The following FNDC1 variants were observed in gnomAD, a reference collection of about 807,000 sequenced individuals.
The protein encoded by FNDC1 is fibronectin type III domain containing 1, also known as fibronectin type III domain-containing protein 1.
In FNDC1, 96 loss-of-function variants were observed where a neutral mutation model predicts 168.0. The ratio of observed to expected loss-of-function variants is 0.57; its 90% CI spans 0.48 to 0.68. FNDC1 has a LOEUF of 0.68. Ranked by LOEUF, FNDC1 falls within the 30% of genes least tolerant of loss-of-function variation. The probability of loss-of-function intolerance (pLI) is 0.00; values close to 1 mark genes in which losing one functional copy is unlikely to be tolerated. For synonymous variants in FNDC1, 1,099 were observed against 1,025.9 expected (o/e 1.07, Z -1.36); for missense variants, 2,587 against 2,482.1 (o/e 1.04, Z -0.90).
rs770479635 is a variant in FNDC1, at chr6:159,233,274, G to A, written c.2762G>A (p.Arg921Gln). The change falls in exon 11 of 23, where the codon CGG (arginine) becomes CAG (glutamine). Residue 921 changes from arginine to glutamine, a missense_variant. Coordinates refer to ENST00000297267, the MANE Select transcript of FNDC1 (RefSeq NM_032532.3). The surrounding 1 kb of genome is among the most constrained non-coding windows in gnomAD (Gnocchi z 4.6). ...CCGCAGAGAGGGGCCAGCCTGCATC[G>A]GAAGGAACCCATCCCAGAGAACCCC... ...RSPQRGASLH[R>Q]KEPIPENPKS... 4 of 1,613,922 alleles carry A rather than the reference G, an allele frequency of 2.5e-6. No individual in the cohort carries two copies. The highest frequency in any genetic ancestry group is 1.1e-5 in the South Asian group (1 of 91,082).
At chr6:159,257,385 C>A (rs1332436825) in intron 18 of FNDC1, among the ~76,000 whole-genome samples, 1 of 152,204 alleles carries the variant, frequency 6.6e-6, no homozygotes, top group Admixed American at 6.5e-5. Context: ...GTAAATACTA[C>A]CATTTTGGCC....
At chr6:159,181,827 G>T (rs928028770) in intron 1 of FNDC1, among the ~76,000 whole-genome samples, 1 of 152,122 alleles carries the variant, frequency 6.6e-6, no homozygotes, top group Non-Finnish European at 1.5e-5. Flanking sequence ...TGAGATGAAG[G>T]CAGTCTTGTT....
chr6:159,187,408 T>A (rs957123918), intron 1 of FNDC1, among the ~76,000 whole-genome samples: 3 of 152,184 alleles, frequency 2.0e-5, no homozygotes, highest in South Asian at 2.1e-4. Flanking sequence ...TTCCCTAGTG[T>A]GTTTTATAAT....
At chr6:159,269,206 T>C (rs11756152) in intron 22 of FNDC1, among the ~76,000 whole-genome samples, 56,045 of 103,532 alleles carry the variant, frequency 0.54, 13,562 homozygotes, top group Middle Eastern at 0.69. Flanking sequence ...TACCTATTCA[T>C]ATCTATCTAT....
intron 1 of FNDC1, among the ~76,000 whole-genome samples, chr6:159,188,569 G>A (rs377354909): frequency 1.1e-4 from 16 of 150,030 alleles, no homozygotes; most frequent in Admixed American, 3.3e-4. Flanking sequence ...TAGTAGAGAC[G>A]GGGTTTCACC....
At chr6:159,267,520 C>G (rs1047283619) in intron 21 of FNDC1, among the ~76,000 whole-genome samples, 2 of 151,402 alleles carry the variant, frequency 1.3e-5, no homozygotes, top group African/African-American at 4.9e-5. Context: ...TTTTTTAGAA[C>G]TAAGGAATAG....
In FNDC1 at chr6:159,232,389, C is replaced by A; in HGVS notation, c.1877C>A (p.Thr626Asn). Residue 626 changes from threonine to asparagine, a missense_variant, in exon 11 of 23, where the codon ACC (threonine) becomes AAC (asparagine). Thr to Asn is a moderately conservative substitution (Grantham distance 65). Transcript: ENST00000297267. This position sits in a 1 kb window ranked among gnomAD's most constrained non-coding sequence, Gnocchi z 4.9. ...ASASPAHHAS[T>N]QGTSHRPSLP... Reference sequence around the variant, plus strand: ...GCCTCTCCTGCCCACCACGCGTCCACCCAGGGCACCTCTCATCGTCCTTCC... The same window carrying A: ...GCCTCTCCTGCCCACCACGCGTCCAACCAGGGCACCTCTCATCGTCCTTCC... 1 of 1,613,258 alleles carries A rather than the reference C, an allele frequency of 6.2e-7. No homozygotes were observed. The highest frequency in any genetic ancestry group is 8.5e-7 in the Non-Finnish European group (1 of 1,179,468).
At chr6:159,213,514 G>A (rs1455541093) in intron 4 of FNDC1, among the ~76,000 whole-genome samples, 1 of 152,162 alleles carries the variant, frequency 6.6e-6, no homozygotes, top group Non-Finnish European at 1.5e-5. Flanking sequence ...CAGGGACACT[G>A]TGACCCCCAG....
At chr6:159,186,470 G>A (rs1782002032) in intron 1 of FNDC1, among the ~76,000 whole-genome samples, 2 of 152,208 alleles carry the variant, frequency 1.3e-5, no homozygotes, top group South Asian at 4.1e-4. Context: ...TGGAGGTTGG[G>A]AGCCAATTCC....
At position 159,190,593 on chromosome 6, in the gene FNDC1, G is replaced by T. The variant is rs1444753591; in HGVS notation, c.110-6838G>T. Among the ~76,000 whole-genome samples the T allele has an allele frequency of 2.0e-5, 3 of 152,366 alleles. No homozygotes were observed. In the East Asian group the frequency reaches 5.8e-4, roughly 29 times the overall value. The stretch of plus-strand genomic sequence containing the variant: ...TCCAGTGGTCCAGAGCTGGAGCAGG[G>T]AGACGAGGAGGTAGGAAGCACAATG... On this transcript the variant is annotated intron_variant, in intron 1 of 22. Coordinates refer to ENST00000297267, the MANE Select transcript of FNDC1 (RefSeq NM_032532.3).
intron 6 of FNDC1, among the ~76,000 whole-genome samples, chr6:159,222,433 A>AT (rs1782847760): frequency 6.6e-6 from 1 of 152,190 alleles, no homozygotes; most frequent in South Asian, 2.1e-4. Flanking sequence ...CAGGCTAAAT[A>AT]TTTTCACCTT....
intron 2 of FNDC1, among the ~76,000 whole-genome samples, chr6:159,199,548 G>T (rs190021528): frequency 1.3e-5 from 2 of 152,330 alleles, no homozygotes; most frequent in East Asian, 3.9e-4. Context: ...CATTTTATGG[G>T]TTACATTGAC....
chr6:159,247,064 T>C lies in FNDC1; in HGVS notation c.4690+95T>C, dbSNP rs576203889. ...TGAGTGGATGATCTTGATGGAAGTTTCCTTTAGAGCTTTGGGCCGGTGGCA... is the reference window on the plus strand; with the variant it reads ...TGAGTGGATGATCTTGATGGAAGTTCCCTTTAGAGCTTTGGGCCGGTGGCA... On this transcript the variant is annotated intron_variant, in intron 15 of 22. Coordinates refer to ENST00000297267, the MANE Select transcript of FNDC1 (RefSeq NM_032532.3). 1.3e-5 allele frequency: 13 copies of C among 995,602 alleles called. No individual in the cohort carries two copies. In the African/African-American group the frequency reaches 1.4e-4, roughly 11 times the overall value. The allele number at this position is 995,602 out of a possible 1,614,324, so 61.7% of individuals were successfully genotyped here. A position where few individuals can be genotyped will look rare whatever the true frequency, so the allele number is the denominator to read the frequency against.
At chr6:159,176,835 T>TG (rs1277025377) in intron 1 of FNDC1, among the ~76,000 whole-genome samples, 4 of 152,222 alleles carry the variant, frequency 2.6e-5, no homozygotes, top group Non-Finnish European at 5.9e-5. Context: ...GTTCATTGTT[T>TG]GGGGCTTCTT....
intron 16 of FNDC1, 92 bp downstream of exon 16, chr6:159,249,274 A>T: frequency 1.6e-6 from 2 of 1,217,122 alleles, no homozygotes; most frequent in Non-Finnish European, 2.3e-6. Context: ...TCGCCAAGGC[A>T]GTGCATTTTG....
At chr6:159,189,656 C>T (rs1202196906) in intron 1 of FNDC1, among the ~76,000 whole-genome samples, 6 of 152,158 alleles carry the variant, frequency 3.9e-5, no homozygotes, top group Non-Finnish European at 5.9e-5. Context: ...CCCTCCTGGG[C>T]GTTGGAAAGA....
At chr6:159,226,327 A>G in intron 8 of FNDC1, 146 bp from the exon 9 acceptor site, 1 of 611,526 alleles carries the variant, frequency 1.6e-6, no homozygotes, top group Non-Finnish European at 2.9e-6. Flanking sequence ...ACAAAGAACC[A>G]GTGTGGAATT....
At chr6:159,200,959 C>G (rs1347390872) in intron 4 of FNDC1, among the ~76,000 whole-genome samples, 1 of 152,246 alleles carries the variant, frequency 6.6e-6, no homozygotes, top group Non-Finnish European at 1.5e-5. Context: ...CTTTTATGGG[C>G]TAACATGTTG....
intron 6 of FNDC1, 26 bp downstream of exon 6, chr6:159,221,722 C>A: frequency 6.5e-7 from 1 of 1,533,690 alleles, no homozygotes; most frequent in South Asian, 1.1e-5. Context: ...TGCATTTGGT[C>A]AAACCATAGT....
Sources: gnomAD v4.1 joint callset for allele counts (sites outside exome capture counted in the v4.1 genomes callset) on GRCh38, gnomAD v4.1.1 for gene constraint, Gnocchi (gnomAD v3.1) non-coding constraint, MANE v1.5 for transcripts, NCBI Gene and HGNC (gene_info 2026-07-23, HGNC 2026-07-21) for gene names.